The following CAMK1D variants were observed in gnomAD, a reference collection of about 807,000 sequenced individuals.
CAMK1D encodes calcium/calmodulin dependent protein kinase ID.
A neutral mutation model predicts 47.7 loss-of-function variants in CAMK1D; 9 were observed. The ratio of observed to expected loss-of-function variants is 0.19; its 90% CI spans 0.11 to 0.33. The LOEUF is 0.33. Among genes scored for constraint, CAMK1D ranks in the 10% least tolerant of loss-of-function variants. The probability of loss-of-function intolerance (pLI) is 1.00; values close to 1 mark genes in which losing one functional copy is unlikely to be tolerated. For missense variants in CAMK1D, 291 were observed against 488.7 expected (o/e 0.60, Z 3.81); for synonymous variants, 184 against 184.9 (o/e 0.99, Z 0.04).
Position 12,765,173 on chromosome 10 carries a change from T to A in CAMK1D, c.438+4087T>A, listed in dbSNP as rs532121056. Among the ~76,000 whole-genome samples, 3 of 152,346 alleles carry A rather than the reference T, an allele frequency of 2.0e-5. No homozygotes were observed. In the South Asian group the frequency reaches 6.2e-4, roughly 32 times the overall value. ...TCTCCTGCTTCATCCACAAAATTAA[T>A]GTCACAGTGACTCTTAACTGCCATC... On this transcript the variant is annotated intron_variant, in intron 4 of 10. Transcript: ENST00000619168.
intron 3 of CAMK1D, among the ~76,000 whole-genome samples, chr10:12,684,628 G>A (rs1013743344): frequency 3.9e-5 from 6 of 152,198 alleles, no homozygotes; most frequent in African/African-American, 1.4e-4. Flanking sequence ...TCACATCACA[G>A]TATGAATTGA....
intron 3 of CAMK1D, among the ~76,000 whole-genome samples, chr10:12,672,810 T>A: frequency 6.6e-6 from 1 of 152,014 alleles, no homozygotes; most frequent in East Asian, 1.9e-4. Flanking sequence ...CAACTTTAGT[T>A]TTTTTATTTA....
At chr10:12,633,401 A>G (rs143563115) in intron 2 of CAMK1D, among the ~76,000 whole-genome samples, 1 of 152,310 alleles carries the variant, frequency 6.6e-6, no homozygotes, top group Non-Finnish European at 1.5e-5. Context: ...CCTCATCTCC[A>G]TGGAAGATTG....
At chr10:12,549,293 G>A (rs529602503) in intron 1 of CAMK1D, among the ~76,000 whole-genome samples, 1 of 152,220 alleles carries the variant, frequency 6.6e-6, no homozygotes, top group African/African-American at 2.4e-5. Context: ...GACACCTCCT[G>A]TAAGTAGAAT....
chr10:12,593,464 C>T (rs1366520956), intron 2 of CAMK1D, among the ~76,000 whole-genome samples: 1 of 152,146 alleles, frequency 6.6e-6, no homozygotes, highest in Non-Finnish European at 1.5e-5. Context: ...GTGGTGGGCA[C>T]CTGTAATCCC....
At chr10:12,496,664 C>T (rs1246223072) in intron 1 of CAMK1D, among the ~76,000 whole-genome samples, 2 of 152,122 alleles carry the variant, frequency 1.3e-5, no homozygotes, top group African/African-American at 2.4e-5. Context: ...TGTGACAATA[C>T]CAAATTTTCG....
intron 1 of CAMK1D, among the ~76,000 whole-genome samples, chr10:12,426,375 TA>T (rs2131979065): frequency 1.3e-5 from 2 of 152,268 alleles, no homozygotes; most frequent in African/African-American, 4.8e-5. Context: ...GCCTCTGGAA[TA>T]GCTGGGATTA....
intron 2 of CAMK1D, among the ~76,000 whole-genome samples, chr10:12,564,147 GTCTCTCTCTCTC>G (rs56063700): frequency 9.4e-4 from 131 of 139,704 alleles, no homozygotes; most frequent in Middle Eastern, 7.6e-3. Context: ...CTCTCTCTCT[GTCTCTCTCTCTC>G]TCTCTCTCTC....
At chr10:12,562,040 C>T (rs1242591850) in intron 2 of CAMK1D, among the ~76,000 whole-genome samples, 3 of 152,120 alleles carry the variant, frequency 2.0e-5, no homozygotes, top group Non-Finnish European at 4.4e-5. Context: ...TGTCTTATTC[C>T]ATTTTCTGTT....
chr10:12,588,794 A>G (rs1417634175), intron 2 of CAMK1D, among the ~76,000 whole-genome samples: 1 of 148,292 alleles, frequency 6.7e-6, no homozygotes, highest in Non-Finnish European at 1.5e-5. Context: ...ATATATACAC[A>G]CACACACACA....
chr10:12,401,065 T>TAA (rs1247250722), intron 1 of CAMK1D, among the ~76,000 whole-genome samples: 1 of 90,836 alleles, frequency 1.1e-5, no homozygotes, highest in Non-Finnish European at 2.1e-5. Context: ...ATATATATAT[T>TAA]TTATATATAT....
intron 1 of CAMK1D, among the ~76,000 whole-genome samples, chr10:12,509,691 C>A (rs1403874353): frequency 6.6e-6 from 1 of 152,186 alleles, no homozygotes; most frequent in Non-Finnish European, 1.5e-5. Flanking sequence ...GTTGAGGCTG[C>A]AGTGAGCCAT....
intron 1 of CAMK1D, among the ~76,000 whole-genome samples, chr10:12,464,672 G>A (rs919975961): frequency 8.6e-5 from 13 of 152,000 alleles, no homozygotes; most frequent in African/African-American, 3.1e-4. Flanking sequence ...AAAATTAGCC[G>A]GGTGTGGTGG....
intron 6 of CAMK1D, among the ~76,000 whole-genome samples, chr10:12,791,466 C>T (rs917650935): frequency 1.3e-5 from 2 of 152,164 alleles, no homozygotes; most frequent in African/African-American, 4.8e-5. Flanking sequence ...CTACCCCTTA[C>T]ATAAAAACTC....
chr10:12,584,346 TG>T (rs1214233782), intron 2 of CAMK1D, among the ~76,000 whole-genome samples: 1 of 152,238 alleles, frequency 6.6e-6, no homozygotes, highest in Non-Finnish European at 1.5e-5. Flanking sequence ...AAATGTGTGA[TG>T]ACTCGGAGGA....
At chr10:12,686,647 A>G (rs1832677317) in intron 3 of CAMK1D, among the ~76,000 whole-genome samples, 1 of 152,132 alleles carries the variant, frequency 6.6e-6, no homozygotes, top group South Asian at 2.1e-4. Flanking sequence ...TTTATGGCTT[A>G]AAACAGAGTT....
intron 1 of CAMK1D, among the ~76,000 whole-genome samples, chr10:12,386,611 T>C (rs778056646): frequency 2.0e-5 from 3 of 152,188 alleles, no homozygotes; most frequent in Non-Finnish European, 2.9e-5. Context: ...TACTGCTTAA[T>C]GTAAAAAATA....
Position 12,832,495 on chromosome 10 carries a change from G to A in CAMK1D, c.*3608G>A, listed in dbSNP as rs1833435452. ...ATGGCAACCCCCAGGACCATGCACG[G>A]CTCTGGCAGTGCACAGTGGCTGATT... is the stretch of plus-strand genomic sequence containing the variant. On this transcript the variant is annotated 3_prime_UTR_variant, in exon 11 of 11. Coordinates refer to ENST00000619168, the MANE Select transcript of CAMK1D (RefSeq NM_153498.4). The A allele has an allele frequency of 6.6e-6, 1 of 152,208 alleles. No homozygotes were observed. The highest frequency in any genetic ancestry group is 1.9e-4 in the East Asian group (1 of 5,196). The allele number at this position is 152,208 out of a possible 1,614,324, so 9.4% of individuals were successfully genotyped here.
intron 1 of CAMK1D, among the ~76,000 whole-genome samples, chr10:12,541,850 C>CCTTCCTTCCTTCCTTCCTTCCTTA (rs1836196493): frequency 8.5e-6 from 1 of 118,312 alleles, no homozygotes; most frequent in Admixed American, 8.4e-5. Context: ...TATCTTCCTT[C>CCTTCCTTCCTTCCTTCCTTCCTTA]CTTCCTTCCT....
Sources: allele counts gnomAD v4.1 joint callset (sites outside exome capture counted in the v4.1 genomes callset), GRCh38; gene constraint gnomAD v4.1.1; transcripts MANE v1.5; gene names NCBI Gene and HGNC (gene_info 2026-07-23, HGNC 2026-07-21).